ADGRV1: variants seen among roughly 807,000 people sequenced by gnomAD.
ADGRV1 encodes the protein G-protein coupled receptor 98.
In ADGRV1, 359 loss-of-function variants were observed where a neutral mutation model predicts 596.2. That is an observed-to-expected ratio of 0.60 (90% CI 0.55 to 0.66). The LOEUF is 0.66. ADGRV1 is among the 30% of genes least tolerant of loss of function. The pLI is 0.00. For synonymous variants in ADGRV1, 2,681 were observed against 2,679.2 expected, an observed-to-expected ratio of 1.00 and a Z score of -0.02; for missense variants, 7,274 against 7,575.6, an observed-to-expected ratio of 0.96 and a Z score of 1.48.
chr5:90,796,745 G>C (rs1405880074), intron 70 of ADGRV1, among the ~76,000 whole-genome samples: 1 of 152,186 alleles, frequency 6.6e-6, no homozygotes, highest in Admixed American at 6.5e-5. Context: ...ACCCACAAAG[G>C]GAAGCCCATC....
chr5:90,761,681 G>A (rs150070665), intron 58 of ADGRV1, among the ~76,000 whole-genome samples: 13 of 152,234 alleles, frequency 8.5e-5, no homozygotes, highest in Middle Eastern at 3.4e-3. Context: ...AAATAATATC[G>A]TTACAGCTAC....
At chr5:90,710,886 T>C in intron 39 of ADGRV1, 95 bp from the exon 40 acceptor site, 1 of 726,228 alleles carries the variant, frequency 1.4e-6, no homozygotes, top group Non-Finnish European at 2.3e-6. Flanking sequence ...ACATTATGAA[T>C]TATATAATTT....
intron 85 of ADGRV1, among the ~76,000 whole-genome samples, chr5:90,993,080 T>C (rs866641806): frequency 6.6e-6 from 1 of 151,922 alleles, no homozygotes; most frequent in South Asian, 2.1e-4. Context: ...CAATGCACTA[T>C]GTCCCATTAT....
At chr5:90,689,341 T>C (rs1746153148) in intron 29 of ADGRV1, among the ~76,000 whole-genome samples, 1 of 147,684 alleles carries the variant, frequency 6.8e-6, no homozygotes, top group African/African-American at 2.6e-5. Context: ...CCTTTTTTTT[T>C]TTTTTTTTTT....
chr5:90,734,594 T>C (rs1420621366), intron 50 of ADGRV1, among the ~76,000 whole-genome samples: 2 of 147,212 alleles, frequency 1.4e-5, no homozygotes, highest in Non-Finnish European at 3.0e-5. Context: ...TTTTTTTTTT[T>C]TTTTTTTTTG....
chr5:90,897,664 A>T (rs1327605800), intron 83 of ADGRV1, among the ~76,000 whole-genome samples: 1 of 152,164 alleles, frequency 6.6e-6, no homozygotes, highest in Non-Finnish European at 1.5e-5. Flanking sequence ...ATCAACTCTA[A>T]AATAAGTTTT....
At chr5:91,141,484 T>C (rs750126802) in intron 87 of ADGRV1, among the ~76,000 whole-genome samples, 1 of 152,196 alleles carries the variant, frequency 6.6e-6, no homozygotes, top group Non-Finnish European at 1.5e-5. Context: ...ATATATTTAA[T>C]ACACAGTTAG....
At chr5:90,873,358 A>G (rs533671609) in intron 83 of ADGRV1, among the ~76,000 whole-genome samples, 40 of 152,284 alleles carry the variant, frequency 2.6e-4, no homozygotes, top group African/African-American at 8.7e-4. Flanking sequence ...TGTTATTGCC[A>G]AACTGAAACA....
intron 1 of ADGRV1, among the ~76,000 whole-genome samples, chr5:90,586,634 C>CT (rs1758798406): frequency 6.6e-6 from 1 of 152,150 alleles, no homozygotes; most frequent in South Asian, 2.1e-4. Context: ...TTAGGTTCTG[C>CT]TTTTTGGGCA....
intron 38 of ADGRV1, among the ~76,000 whole-genome samples, chr5:90,706,668 CTT>C (rs1730006952): frequency 6.6e-6 from 1 of 150,772 alleles, no homozygotes; most frequent in Non-Finnish European, 1.5e-5. Flanking sequence ...CTTCTAGTAA[CTT>C]TGCATTTTAA....
intron 77 of ADGRV1, among the ~76,000 whole-genome samples, chr5:90,834,206 G>T (rs1165735952): frequency 6.6e-6 from 1 of 152,134 alleles, no homozygotes; most frequent in Non-Finnish European, 1.5e-5. Flanking sequence ...ATAGTATTCT[G>T]TAATTTTCTG....
chr5:91,133,307 G>T (rs1019422186), intron 87 of ADGRV1, among the ~76,000 whole-genome samples: 1 of 152,200 alleles, frequency 6.6e-6, no homozygotes, highest in Non-Finnish European at 1.5e-5. Flanking sequence ...CAGGGGAGGA[G>T]AGAGAAGGGG....
At chr5:90,907,669 G>A (rs1195682270) in intron 83 of ADGRV1, among the ~76,000 whole-genome samples, 3 of 151,930 alleles carry the variant, frequency 2.0e-5, no homozygotes, top group Non-Finnish European at 2.9e-5. Context: ...TCAAATGGCT[G>A]GGCATTTGAA....
chr5:90,983,070 A>G lies in ADGRV1; in HGVS notation c.17974-2274A>G, dbSNP rs1015902933. Among the ~76,000 whole-genome samples the G allele has an allele frequency of 2.6e-5, 4 of 152,184 alleles. No individual in the cohort carries two copies. The South Asian group carries it at 8.3e-4, about 31-fold the overall frequency. Reference sequence around the variant, plus strand: ...AGCTTTAAAAATGATATATTATGGGAAATACTTCTCTAGAGTATATTTCAG... The same window carrying G: ...AGCTTTAAAAATGATATATTATGGGGAATACTTCTCTAGAGTATATTTCAG... On this transcript the variant is annotated intron_variant, in intron 84 of 89. Transcript: ENST00000405460.
rs1456952629 is a variant in ADGRV1 at position 90,807,732 on chromosome 5, A to G, written c.14967A>G (p.Gln4989=). The change falls in exon 73 of 90, where the codon CAA becomes CAG. Residue 4989 remains glutamine (Q), a synonymous_variant. Coordinates refer to ENST00000405460, the MANE Select transcript of ADGRV1 (RefSeq NM_032119.4). ...AGAGCAGTGCTCCTGGCGGAGCTCA[A>G]CTCCGGTAAGACCAACCTCATTCTC... ...GVQSSAPGGA[Q]LRSGFIVAEI... is the part of the protein sequence containing the mutation. 1.9e-6 allele frequency: 3 copies of G among 1,549,726 alleles called. No individual in the cohort carries two copies. The highest frequency in any genetic ancestry group is 1.8e-5 in the Admixed American group (1 of 54,416).
chr5:90,715,031 G>A (rs561201882), intron 42 of ADGRV1, among the ~76,000 whole-genome samples: 2 of 152,252 alleles, frequency 1.3e-5, no homozygotes, highest in East Asian at 3.9e-4. Flanking sequence ...TAATTTGGAT[G>A]GATTTGACAT....
At chr5:90,807,837 C>A in intron 73 of ADGRV1, 100 bp downstream of exon 73, 2 of 1,064,568 alleles carry the variant, frequency 1.9e-6, no homozygotes, top group Non-Finnish European at 1.3e-6. Context: ...CTCCTTGAAG[C>A]AAACACAAAC....
At chr5:90,594,994 G>A (rs1760082683) in intron 1 of ADGRV1, among the ~76,000 whole-genome samples, 10 of 145,032 alleles carry the variant, frequency 6.9e-5, no homozygotes, top group South Asian at 2.2e-4. Context: ...TCAATGAGCT[G>A]TTGGGCACAC....
rs1351108817 is a variant in ADGRV1 at position 91,035,846 on chromosome 5, ATATATATATATATAT to A, written c.18153-36585_18153-36571del. On this transcript the variant is annotated intron_variant, in intron 85 of 89. Coordinates refer to ENST00000405460, the MANE Select transcript of ADGRV1 (RefSeq NM_032119.4). ...TGTTGTAAGTAATAAATGAGTGTGT[ATATATATATATATAT>A]TATATATATATATATATATATCTTA... 4.4e-3 allele frequency among the ~76,000 whole-genome samples: 177 copies of A among 39,860 alleles called. 8 individuals carry two copies. The highest frequency in any genetic ancestry group is 0.011 in the African/African-American group (169 of 14,988). 26.1% of individuals were successfully genotyped at this position (39,860 alleles called of 152,430 possible).
Sources: allele counts gnomAD v4.1 joint callset (sites outside exome capture counted in the v4.1 genomes callset), GRCh38; gene constraint gnomAD v4.1.1; transcripts MANE v1.5; gene names NCBI Gene and HGNC (gene_info 2026-07-23, HGNC 2026-07-21).